PCDH9: variants seen among roughly 807,000 people sequenced by gnomAD.
PCDH9 encodes protocadherin-9.
Under a neutral mutation model 70.6 loss-of-function variants are expected in PCDH9, and 24 were observed. That is an observed-to-expected ratio of 0.34 (90% CI 0.25 to 0.48). PCDH9 has a LOEUF of 0.48. Ranked by LOEUF, PCDH9 falls within the 20% of genes least tolerant of loss-of-function variation. The pLI, the probability that PCDH9 is intolerant of heterozygous loss-of-function variation, is 0.99. For missense variants in PCDH9, 1,281 were observed against 1,503.6 expected (o/e 0.85, Z 2.45); for synonymous variants, 562 against 558.5 (o/e 1.01, Z -0.09).
chr13:66,996,072 T>C (rs2139809139), intron 2 of PCDH9: 1 of 152,376 alleles, frequency 6.6e-6, no homozygotes, highest in East Asian at 1.9e-4. Flanking sequence ...TTGTATTTAA[T>C]GGGAAGATAC....
chr13:66,671,408 A>G (rs1355639602), intron 3 of PCDH9, among the ~76,000 whole-genome samples: 1 of 152,204 alleles, frequency 6.6e-6, no homozygotes, highest in African/African-American at 2.4e-5. Context: ...AGAAGAAGAC[A>G]GGAAAATGTG....
intron 3 of PCDH9, chr13:66,877,003 A>C (rs914461656): frequency 1.3e-4 from 20 of 152,052 alleles, no homozygotes; most frequent in Non-Finnish European, 2.2e-4. Flanking sequence ...ATGTATATGA[A>C]AGCTCCTGAC....
chr13:67,088,944 G>T (rs1383888735), intron 2 of PCDH9, among the ~76,000 whole-genome samples: 1 of 151,996 alleles, frequency 6.6e-6, no homozygotes, highest in African/African-American at 2.4e-5. Context: ...TGTAAGATTA[G>T]AAAACACAAC....
chr13:66,838,849 C>A lies in PCDH9; in HGVS notation c.3138+64655G>T, dbSNP rs189769603. ...TGATGCACTAATCTCTAGTAACAGACTTTTATTCAAAAGGGAGAAACGATC... is the reference window on the plus strand; with the variant it reads ...TGATGCACTAATCTCTAGTAACAGAATTTTATTCAAAAGGGAGAAACGATC... On this transcript the variant is annotated intron_variant, in intron 3 of 4. Coordinates refer to ENST00000377865, the MANE Select transcript of PCDH9 (RefSeq NM_203487.3). 3.7e-3 allele frequency among the ~76,000 whole-genome samples: 558 copies of A among 152,032 alleles called. 5 individuals carry two copies. The highest frequency in any genetic ancestry group is 0.013 in the African/African-American group (532 of 41,518).
At chr13:66,890,384 C>A (rs1317606351) in intron 3 of PCDH9, among the ~76,000 whole-genome samples, 1 of 149,318 alleles carries the variant, frequency 6.7e-6, no homozygotes, top group African/African-American at 2.5e-5. Flanking sequence ...CTAAGACACT[C>A]TTAACCTTCT....
chr13:66,508,468 T>A (rs1205503852), intron 4 of PCDH9, among the ~76,000 whole-genome samples: 1 of 152,246 alleles, frequency 6.6e-6, no homozygotes, highest in East Asian at 1.9e-4. Flanking sequence ...GCTAGTCAGA[T>A]AACAGACATT....
At chr13:66,342,683 C>T (rs1244596169) in intron 4 of PCDH9, among the ~76,000 whole-genome samples, 1 of 152,088 alleles carries the variant, frequency 6.6e-6, no homozygotes, top group Non-Finnish European at 1.5e-5. Context: ...ACTGCAGTGG[C>T]ACAACAACCT....
Position 66,399,552 on chromosome 13 carries a change from A to G in PCDH9, c.3341-94524T>C, listed in dbSNP as rs1177710653. ...TCAGAGTAAGTAAATATGAAAACAC[A>G]TTTGAGTGTAGTAAGATGTGTACCT... On this transcript the variant is annotated intron_variant, in intron 4 of 4. Coordinates refer to ENST00000377865, the MANE Select transcript of PCDH9 (RefSeq NM_203487.3). Among the ~76,000 whole-genome samples, 3 of 152,320 alleles carry G rather than the reference A, an allele frequency of 2.0e-5. 1 individual carries two copies. The East Asian group carries it at 5.8e-4, about 29-fold the overall frequency.
intron 2 of PCDH9, chr13:67,220,167 A>G (rs1593642686): frequency 1.3e-5 from 2 of 152,040 alleles, no homozygotes; most frequent in Admixed American, 1.3e-4. Flanking sequence ...AGAAATAAAA[A>G]CAATCTAAAT....
chr13:66,484,091 G>A (rs1958894985), intron 4 of PCDH9, among the ~76,000 whole-genome samples: 1 of 152,118 alleles, frequency 6.6e-6, no homozygotes, highest in Admixed American at 6.5e-5. Flanking sequence ...CTGCTGAGAG[G>A]TACTTCTACT....
chr13:66,323,120 T>C (rs1480880185), intron 4 of PCDH9: 2 of 152,060 alleles, frequency 1.3e-5, no homozygotes, highest in African/African-American at 4.8e-5. Flanking sequence ...AATTGTGATA[T>C]GTAACATGAC....
intron 2 of PCDH9, chr13:67,221,891 A>T (rs1039826757): frequency 6.6e-6 from 1 of 152,110 alleles, no homozygotes; most frequent in Non-Finnish European, 1.5e-5. Context: ...AGAGGCTGAC[A>T]CTTCCTGTTT....
At chr13:66,708,255 T>C (rs893091389) in intron 3 of PCDH9, among the ~76,000 whole-genome samples, 2 of 151,696 alleles carry the variant, frequency 1.3e-5, no homozygotes, top group African/African-American at 2.4e-5. Context: ...TTCACCGTTT[T>C]AGCCGGGATG....
At chr13:66,739,808 G>C (rs2079225419) in intron 3 of PCDH9, among the ~76,000 whole-genome samples, 1 of 130,940 alleles carries the variant, frequency 7.6e-6, no homozygotes, top group African/African-American at 2.9e-5. Flanking sequence ...AAATATATAT[G>C]CACCCAATAC....
intron 3 of PCDH9, among the ~76,000 whole-genome samples, chr13:66,756,442 G>A (rs1461047238): frequency 6.6e-6 from 1 of 152,150 alleles, no homozygotes; most frequent in Non-Finnish European, 1.5e-5. Context: ...ATTAAAGACT[G>A]CAAGGAGATA....
chr13:66,553,156 T>C (rs1465810863), intron 4 of PCDH9, among the ~76,000 whole-genome samples: 2 of 152,170 alleles, frequency 1.3e-5, no homozygotes, highest in African/African-American at 4.8e-5. Flanking sequence ...CAGGGAACTA[T>C]ACCAGTCAAA....
At chr13:66,403,043 G>T (rs1957215704) in intron 4 of PCDH9, among the ~76,000 whole-genome samples, 1 of 151,774 alleles carries the variant, frequency 6.6e-6, no homozygotes, top group Admixed American at 6.6e-5. Flanking sequence ...AAATGTATCT[G>T]AGAAAGAAGA....
intron 2 of PCDH9, among the ~76,000 whole-genome samples, chr13:66,950,283 G>A (rs1386696734): frequency 1.3e-5 from 2 of 152,038 alleles, no homozygotes; most frequent in African/African-American, 4.8e-5. Context: ...TCAGATAGAA[G>A]AATATTTGAA....
chr13:66,504,183 C>T (rs1279336804), intron 4 of PCDH9, among the ~76,000 whole-genome samples: 1 of 152,224 alleles, frequency 6.6e-6, no homozygotes, highest in Non-Finnish European at 1.5e-5. Context: ...TTGGCCAATC[C>T]TTTTGTCTAA....
Sources: gnomAD v4.1 joint callset for allele counts (sites outside exome capture counted in the v4.1 genomes callset) on GRCh38, gnomAD v4.1.1 for gene constraint, MANE v1.5 for transcripts, NCBI Gene and HGNC (gene_info 2026-07-23, HGNC 2026-07-21) for gene names.